Variants in TRMT10A observed in about 807,000 individuals in gnomAD.
The protein encoded by TRMT10A is tRNA methyltransferase 10 homolog A.
TRMT10A carries 37 observed loss-of-function variants against 40.4 expected under a neutral mutation model. The ratio of observed to expected loss-of-function variants is 0.92; its 90% CI spans 0.71 to 1.21. The LOEUF (loss-of-function observed/expected upper bound fraction) is 1.21, where lower values mean the gene tolerates loss of function less well. TRMT10A is among the 50% of genes most tolerant of loss of function. The pLI, the probability that TRMT10A is intolerant of heterozygous loss-of-function variation, is 0.00. For synonymous variants in TRMT10A, 103 were observed against 134.1 expected (o/e 0.77, Z 1.60); for missense variants, 388 against 404.3 (o/e 0.96, Z 0.35).
chr4:99,563,136 A>C (rs1250166580), intron 1 of TRMT10A, among the ~76,000 whole-genome samples: 1 of 152,182 alleles, frequency 6.6e-6, no homozygotes, highest in Non-Finnish European at 1.5e-5. Context: ...TGCCCTTTTA[A>C]AAGACATGCG....
chr4:99,561,817 C>G lies in TRMT10A; in HGVS notation c.-24+2096G>C, dbSNP rs1304666797. 2.6e-5 allele frequency among the ~76,000 whole-genome samples: 4 copies of G among 152,146 alleles called. No homozygotes were observed. In the East Asian group the frequency reaches 7.7e-4, roughly 29 times the overall value. On this transcript the variant is annotated intron_variant, in intron 1 of 7. Transcript: ENST00000394876. ...CCTTTCTCACATGCAGTGATGCTCACAGTACATTTTCATTCATTCAACCAA... is the reference window on the plus strand; with the variant it reads ...CCTTTCTCACATGCAGTGATGCTCAGAGTACATTTTCATTCATTCAACCAA...
chr4:99,562,205 G>GTGTGTGTGTT (rs1437558793), intron 1 of TRMT10A, among the ~76,000 whole-genome samples: 103 of 137,904 alleles, frequency 7.5e-4, no homozygotes, highest in South Asian at 3.1e-3. Flanking sequence ...ATATATATGT[G>GTGTGTGTGTT]TGTGTGTGTG....
At position 99,549,376 on chromosome 4, in the gene TRMT10A, C is replaced by T. The variant is rs80053092; in HGVS notation, c.752-20G>A. On this transcript the variant is annotated intron_variant, in intron 7 of 7. Coordinates refer to ENST00000394876, the MANE Select transcript of TRMT10A (RefSeq NM_001134665.3). The stretch of plus-strand genomic sequence containing the variant: ...CAAACACTGCAATAAAGACATATTC[C>T]GTACATTTCTTAGCCAAGTTCATCA... 4.1e-3 allele frequency: 6,601 copies of T among 1,609,248 alleles called. 186 individuals carry two copies. The Admixed American group carries it at 0.055, about 13-fold the overall frequency.
chr4:99,558,479 G>T (rs1724256538), intron 2 of TRMT10A, among the ~76,000 whole-genome samples: 1 of 151,752 alleles, frequency 6.6e-6, no homozygotes, highest in Non-Finnish European at 1.5e-5. Flanking sequence ...TTTGTTATTG[G>T]TATCATACTA....
At chr4:99,557,773 G>A (rs1019314500) in intron 3 of TRMT10A, 2 of 417,308 alleles carry the variant, frequency 4.8e-6, no homozygotes, top group Non-Finnish European at 8.5e-6. Context: ...TGATCAATAA[G>A]TAGTTAATTT....
intron 1 of TRMT10A, 102 bp downstream of exon 1, chr4:99,563,811 C>G (rs1444239005): frequency 6.5e-6 from 4 of 618,322 alleles, no homozygotes; most frequent in Non-Finnish European, 1.2e-5. Flanking sequence ...CCCTCTCCCC[C>G]GGAAGCCCTT....
chr4:99,553,892 T>C lies in TRMT10A; in HGVS notation c.538A>G (p.Lys180Glu), dbSNP rs999013152. 1 of 1,613,538 alleles carries C rather than the reference T, an allele frequency of 6.2e-7. No homozygotes were observed. ...KPEHYSELIK[K>E]EDLIYLTSDS... ...GACGTAAGGTAAATCAGGTCTTCTT[T>C]CTTTATGAGTTCACTATAGTGCTCT... Residue 180 changes from lysine to glutamate, a missense_variant, in exon 6 of 8, where the codon AAA (lysine) becomes GAA (glutamate). Lys to Glu is a moderately conservative substitution (Grantham distance 56). Coordinates refer to ENST00000394876, the MANE Select transcript of TRMT10A (RefSeq NM_001134665.3).
In TRMT10A at chr4:99,548,151, T is replaced by C. The variant is rs998628275; in HGVS notation, c.*937A>G. The C allele has an allele frequency of 2.0e-5, 3 of 152,052 alleles. No homozygotes were observed. Among genetic ancestry groups the C allele is most frequent in the African/African-American group, 7.2e-5 (3 of 41,438 alleles). The allele number at this position is 152,052 out of a possible 1,614,324, so 9.4% of individuals were successfully genotyped here. ...AACTGAGAGCCATACATGATGAGGA[T>C]AGTTATGTATTTACATGCATATTAT... On this transcript the variant is annotated 3_prime_UTR_variant, in exon 8 of 8. Coordinates refer to ENST00000394876, the MANE Select transcript of TRMT10A (RefSeq NM_001134665.3).
Position 99,559,218 on chromosome 4 carries a change from A to C in TRMT10A, c.121T>G (p.Ser41Ala), listed in dbSNP as rs1282075562. 6.2e-7 allele frequency: 1 copy of C among 1,613,350 alleles called. No homozygotes were observed. The highest frequency in any genetic ancestry group is 8.5e-7 in the Non-Finnish European group (1 of 1,179,608). Residue 41 changes from serine (S) to alanine (A), a missense_variant, in exon 2 of 8, where the codon TCT (serine) becomes GCT (alanine). By Grantham distance (99) the Ser-to-Ala change is moderately conservative. Coordinates refer to ENST00000394876, the MANE Select transcript of TRMT10A (RefSeq NM_001134665.3). ...ATTAGTTTTTTCATTTGTCGTTTAGATATTGGTTCACACCCTTCACCTAAT... is the reference window on the plus strand; with the variant it reads ...ATTAGTTTTTTCATTTGTCGTTTAGCTATTGGTTCACACCCTTCACCTAAT... ...PRLGEGCEPI[S>A]KRQMKKLIKQ...
At chr4:99,563,520 T>C (rs1050651497) in intron 1 of TRMT10A, 7 of 209,268 alleles carry the variant, frequency 3.3e-5, no homozygotes, top group African/African-American at 1.4e-4. Context: ...TCCGGCCCTT[T>C]AGAGTACAGA....
At chr4:99,563,642 T>A (rs761132023) in intron 1 of TRMT10A, 3 of 294,802 alleles carry the variant, frequency 1.0e-5, no homozygotes, top group Non-Finnish European at 2.0e-5. Flanking sequence ...TCGCCCACTA[T>A]CCCTTCTAGG....
intron 1 of TRMT10A, among the ~76,000 whole-genome samples, chr4:99,561,720 T>C (rs1724405415): frequency 6.6e-6 from 1 of 152,226 alleles, no homozygotes; most frequent in Non-Finnish European, 1.5e-5. Flanking sequence ...AGCATTTTAT[T>C]AGGTATACTT....
In TRMT10A at chr4:99,547,258, G is replaced by A. The variant is rs1391402130; in HGVS notation, c.*1830C>T. Reference sequence around the variant, plus strand: ...GATTGCTGGCAACCACCAAAAGCCAGGAAGAGGCTAGGAAGTATTCTTTCC... The same window carrying A: ...GATTGCTGGCAACCACCAAAAGCCAAGAAGAGGCTAGGAAGTATTCTTTCC... On this transcript the variant is annotated 3_prime_UTR_variant, in exon 8 of 8. Coordinates refer to ENST00000394876, the MANE Select transcript of TRMT10A (RefSeq NM_001134665.3). 6.6e-6 allele frequency: 1 copy of A among 152,154 alleles called. No individual in the cohort carries two copies. The highest frequency in any genetic ancestry group is 1.5e-5 in the Non-Finnish European group (1 of 68,030). The allele number at this position is 152,154 out of a possible 1,614,324, so 9.4% of individuals were successfully genotyped here. A position where few individuals can be genotyped will look rare whatever the true frequency, so the allele number is the denominator to read the frequency against.
At chr4:99,553,151 T>G (rs1724028247) in intron 6 of TRMT10A, among the ~76,000 whole-genome samples, 1 of 152,142 alleles carries the variant, frequency 6.6e-6, no homozygotes, top group Non-Finnish European at 1.5e-5. Flanking sequence ...AAAAATTCAG[T>G]TCTTCAGTCA....
chr4:99,554,092 T>C (rs1724067289), intron 5 of TRMT10A, among the ~76,000 whole-genome samples, 158 bp from the exon 6 acceptor site: 1 of 152,328 alleles, frequency 6.6e-6, no homozygotes, highest in Middle Eastern at 3.4e-3. Flanking sequence ...ATTTACTACA[T>C]CAATTTCTTA....
rs201859744 is a variant in TRMT10A at position 99,548,943 on chromosome 4, T to TA, written c.*144_*145insT. The TA allele has an allele frequency of 0.017, 12,471 of 738,748 alleles. 144 individuals carry two copies. The highest frequency in any genetic ancestry group is 0.036 in the South Asian group (970 of 26,856). The allele number at this position is 738,748 out of a possible 1,614,324, so 45.8% of individuals were successfully genotyped here. A position where few individuals can be genotyped will look rare whatever the true frequency, so the allele number is the denominator to read the frequency against. On this transcript the variant is annotated 3_prime_UTR_variant, in exon 8 of 8. Transcript: ENST00000394876. ...TTACAAAGTTTAAAGGGCTTTTTTT[T>TA]TTATTATTATTTAGGTCCAAAAAAA... is the stretch of plus-strand genomic sequence containing the variant.
intron 1 of TRMT10A, among the ~76,000 whole-genome samples, chr4:99,561,295 T>C (rs1279849648): frequency 6.6e-6 from 1 of 152,060 alleles, no homozygotes; most frequent in African/African-American, 2.4e-5. Context: ...AGCAATGTAA[T>C]GTTTTACAGG....
intron 1 of TRMT10A, 141 bp downstream of exon 1, chr4:99,563,772 C>A: frequency 4.1e-6 from 2 of 488,900 alleles, no homozygotes; most frequent in South Asian, 1.7e-5. Flanking sequence ...GCAAGAGCGC[C>A]GCAGGAAACC....
chr4:99,562,356 G>GA (rs1025534558), intron 1 of TRMT10A, among the ~76,000 whole-genome samples: 29 of 144,548 alleles, frequency 2.0e-4, no homozygotes, highest in East Asian at 1.4e-3. Flanking sequence ...AGCACCAAAA[G>GA]AAAAAAAAAA....
Sources: allele counts gnomAD v4.1 joint callset (sites outside exome capture counted in the v4.1 genomes callset), GRCh38; gene constraint gnomAD v4.1.1; transcripts MANE v1.5; gene names NCBI Gene and HGNC (gene_info 2026-07-23, HGNC 2026-07-21).